Variants in GLIS3 observed in about 807,000 individuals in gnomAD.
The protein encoded by GLIS3 is GLIS family zinc finger 3, also known as zinc finger protein GLIS3.
Under a neutral mutation model 78.6 loss-of-function variants are expected in GLIS3, and 53 were observed. The ratio of observed to expected loss-of-function variants is 0.67; its 90% CI spans 0.54 to 0.85. The LOEUF is 0.85. GLIS3 is among the 40% of genes least tolerant of loss of function. The pLI, the probability that GLIS3 is intolerant of heterozygous loss-of-function variation, is 0.00. For synonymous variants in GLIS3, 684 were observed against 509.9 expected (o/e 1.34, Z -4.60); for missense variants, 1,703 against 1,231.1 (o/e 1.38, Z -5.74).
chr9:4,202,226 C>T (rs1302586156), intron 2 of GLIS3, among the ~76,000 whole-genome samples: 1 of 146,682 alleles, frequency 6.8e-6, no homozygotes, highest in Non-Finnish European at 1.5e-5. Flanking sequence ...TCTCGGCTCA[C>T]TGCAAGCTCT....
In GLIS3 at chr9:4,058,865, C is replaced by T. The variant is rs371282700; in HGVS notation, c.1710+58903G>A. ...GGTTTGGTGGCAGGTGCCTGTAATC[C>T]CAGCTACTGAGGAGGCTGAGGCAGG... On this transcript the variant is annotated intron_variant, in intron 4 of 10. Transcript: ENST00000381971. Among the ~76,000 whole-genome samples, 195 of 152,008 alleles carry T rather than the reference C, an allele frequency of 1.3e-3. 1 individual carries two copies. The highest frequency in any genetic ancestry group is 4.4e-3 in the African/African-American group (181 of 41,452).
chr9:4,110,958 G>A (rs1263638390), intron 4 of GLIS3, among the ~76,000 whole-genome samples: 1 of 152,124 alleles, frequency 6.6e-6, no homozygotes, highest in African/African-American at 2.4e-5. Flanking sequence ...ACCCTAAAAT[G>A]ACAACACGAC....
intron 4 of GLIS3, among the ~76,000 whole-genome samples, chr9:3,976,901 AG>A (rs1330150511): frequency 6.7e-6 from 1 of 149,504 alleles, no homozygotes; most frequent in African/African-American, 2.4e-5. Flanking sequence ...CAAGACAGAA[AG>A]GTATGAAAAT....
intron 2 of GLIS3, chr9:4,147,778 C>T (rs1194605008): frequency 6.6e-6 from 1 of 151,272 alleles, no homozygotes; most frequent in Non-Finnish European, 1.5e-5. Flanking sequence ...ACCCACCCAC[C>T]TTTCTGGAAG....
At chr9:4,163,317 A>C (rs1479261561) in intron 2 of GLIS3, among the ~76,000 whole-genome samples, 1 of 152,210 alleles carries the variant, frequency 6.6e-6, no homozygotes, top group Non-Finnish European at 1.5e-5. Flanking sequence ...CATTTAATTT[A>C]CCTATGTCTG....
the GLIS3 span, among the ~76,000 whole-genome samples, chr9:4,395,762 C>CTTTTTTCT: frequency 7.2e-6 from 1 of 138,190 alleles, no homozygotes; most frequent in Non-Finnish European, 1.5e-5. Flanking sequence ...TCACCATTTT[C>CTTTTTTCT]TTTTTTCTTT....
chr9:4,195,202 T>C (rs1160958834), intron 2 of GLIS3, among the ~76,000 whole-genome samples: 4 of 152,210 alleles, frequency 2.6e-5, no homozygotes, highest in Non-Finnish European at 5.9e-5. Flanking sequence ...CTGGCCACGC[T>C]TGAGGAGCCC....
the GLIS3 span, among the ~76,000 whole-genome samples, chr9:4,379,961 G>T: frequency 1.3e-5 from 1 of 77,706 alleles, no homozygotes; most frequent in African/African-American, 4.5e-5. Context: ...CAGACAGAGT[G>T]AAAGACCCCC....
At chr9:4,346,509 T>C (rs1281727542) in intron 2 of GLIS3, among the ~76,000 whole-genome samples, 1 of 152,244 alleles carries the variant, frequency 6.6e-6, no homozygotes, top group Non-Finnish European at 1.5e-5. Flanking sequence ...TATCCATTAT[T>C]CATAAGTGTG....
chr9:4,173,838 C>A (rs1397345622), intron 2 of GLIS3, among the ~76,000 whole-genome samples: 3 of 151,662 alleles, frequency 2.0e-5, no homozygotes, highest in Non-Finnish European at 4.4e-5. Context: ...ACTGGAAAAT[C>A]TTTTCTTCAA....
chr9:4,367,197 C>T, the GLIS3 span, among the ~76,000 whole-genome samples: 5 of 152,224 alleles, frequency 3.3e-5, no homozygotes, highest in Admixed American at 1.3e-4. Flanking sequence ...AAGCCGCCGA[C>T]GGCATATACC....
At chr9:4,135,820 C>T (rs1187944608) in intron 2 of GLIS3, among the ~76,000 whole-genome samples, 1 of 152,168 alleles carries the variant, frequency 6.6e-6, no homozygotes, top group African/African-American at 2.4e-5. Flanking sequence ...AAGGTAAGCA[C>T]AGGTCATCAA....
chr9:4,345,897 T>C (rs1817891841), intron 2 of GLIS3, among the ~76,000 whole-genome samples: 1 of 152,144 alleles, frequency 6.6e-6, no homozygotes, highest in Non-Finnish European at 1.5e-5. Context: ...ACAATTTGAC[T>C]GCAAAAGAAT....
intron 2 of GLIS3, among the ~76,000 whole-genome samples, chr9:4,257,604 C>G (rs10118817): frequency 1.8e-4 from 13 of 73,714 alleles, no homozygotes; most frequent in African/African-American, 5.1e-4. Flanking sequence ...GACGGAGTCT[C>G]GCTCTGTCGC....
intron 2 of GLIS3, among the ~76,000 whole-genome samples, chr9:4,178,331 C>T (rs1429302794): frequency 6.6e-6 from 1 of 152,158 alleles, no homozygotes. Context: ...AGATATCCTG[C>T]AAAGGAGGGT....
At chr9:4,427,158 G>A in the GLIS3 span, among the ~76,000 whole-genome samples, 72 of 152,266 alleles carry the variant, frequency 4.7e-4, no homozygotes, top group African/African-American at 1.6e-3. Context: ...GGTGAGAGGC[G>A]ATGGAACAGT....
chr9:4,062,448 G>A (rs985341935), intron 4 of GLIS3, among the ~76,000 whole-genome samples: 1 of 152,160 alleles, frequency 6.6e-6, no homozygotes, highest in African/African-American at 2.4e-5. Context: ...CCAAGGCAGA[G>A]ATAGAATGAA....
chr9:3,986,397 T>G (rs1201579546), intron 4 of GLIS3, among the ~76,000 whole-genome samples: 1 of 152,188 alleles, frequency 6.6e-6, no homozygotes. Flanking sequence ...ATTCACAGAA[T>G]TCCACTCCCT....
chr9:4,201,895 A>T lies in GLIS3; in HGVS notation c.389-75954T>A, dbSNP rs374421676. On this transcript the variant is annotated intron_variant, in intron 2 of 10. Coordinates refer to ENST00000381971, the MANE Select transcript of GLIS3 (RefSeq NM_001042413.2). ...TCATGCCTGTAATTCCAGGAGTTTG[A>T]GAGGCCGAGGCAGGAAGTTCACCTG... Among the ~76,000 whole-genome samples, 10 of 152,260 alleles carry T rather than the reference A, an allele frequency of 6.6e-5. No individual in the cohort carries two copies. The South Asian group carries it at 2.1e-3, about 32-fold the overall frequency.
Sources: allele counts gnomAD v4.1 joint callset (sites outside exome capture counted in the v4.1 genomes callset), GRCh38; gene constraint gnomAD v4.1.1; transcripts MANE v1.5; gene names NCBI Gene and HGNC (gene_info 2026-07-23, HGNC 2026-07-21).